The following ITPK1 variants were observed in gnomAD, a reference collection of about 807,000 sequenced individuals.
ITPK1 encodes inositol 1,3,4-trisphosphate 5/6-kinase.
ITPK1 carries 21 observed loss-of-function variants against 45.3 expected under a neutral mutation model. That is an observed-to-expected ratio of 0.46 (90% CI 0.33 to 0.67). The LOEUF is 0.67. Ranked by LOEUF, ITPK1 falls within the 30% of genes least tolerant of loss-of-function variation. ITPK1 has a pLI of 0.02. For missense variants in ITPK1, 474 were observed against 573.5 expected (o/e 0.83, Z 1.77); for synonymous variants, 258 against 253.6 (o/e 1.02, Z -0.16).
At chr14:93,096,051 A>T (rs1263417090) in intron 2 of ITPK1, among the ~76,000 whole-genome samples, 2 of 152,150 alleles carry the variant, frequency 1.3e-5, no homozygotes, top group Admixed American at 6.6e-5. Context: ...GAAAGCGCTG[A>T]GAAACCTGGC....
Position 92,938,776 on chromosome 14 carries a change from C to G in ITPK1, c.*2785G>C. 1.7e-6 allele frequency: 1 copy of G among 589,294 alleles called. No homozygotes were observed. Among genetic ancestry groups the G allele is most frequent in the Non-Finnish European group, 3.0e-6 (1 of 331,426 alleles). The allele number at this position is 589,294 out of a possible 1,614,324, so 36.5% of individuals were successfully genotyped here. A position where few individuals can be genotyped will look rare whatever the true frequency, so the allele number is the denominator to read the frequency against. On this transcript the variant is annotated 3_prime_UTR_variant, in exon 11 of 11. Transcript: ENST00000267615. The stretch of plus-strand genomic sequence containing the variant: ...CCCCTTGGCTCTTGGGGTGGGGACA[C>G]CCAGCAGCTGGCACTCAGTTGGGGG...
intron 8 of ITPK1, among the ~76,000 whole-genome samples, chr14:92,955,352 A>G (rs551289615): frequency 5.9e-5 from 9 of 152,316 alleles, no homozygotes; most frequent in Admixed American, 3.9e-4. Flanking sequence ...ATGCATGCCT[A>G]AGAGAAACAA....
At chr14:92,979,383 T>C (rs368571895) in intron 5 of ITPK1, among the ~76,000 whole-genome samples, 5 of 152,172 alleles carry the variant, frequency 3.3e-5, no homozygotes, top group Admixed American at 2.0e-4. Context: ...AGTTAAGACT[T>C]TGGGGGGCTG....
In ITPK1 at chr14:93,026,282, C is replaced by T. The variant is rs190520020; in HGVS notation, c.121-9481G>A. 5.3e-5 allele frequency among the ~76,000 whole-genome samples: 8 copies of T among 152,266 alleles called. 1 individual carries two copies. Among genetic ancestry groups the T allele is most frequent in the East Asian group, 3.9e-4 (2 of 5,190 alleles). ...CTCTCTCAAATATATTAAGATCCTA[C>T]AAACTGATTTTTTTAAAAAGAAAAC... On this transcript the variant is annotated intron_variant, in intron 3 of 10. Transcript: ENST00000267615.
Position 93,032,350 on chromosome 14 carries a change from A to AAATAATAAT in ITPK1, c.121-15558_121-15550dup, listed in dbSNP as rs10675965. Among the ~76,000 whole-genome samples, 1,784 of 150,208 alleles carry AAATAATAAT rather than the reference A, an allele frequency of 0.012. 21 individuals are homozygous for AAATAATAAT. The highest frequency in any genetic ancestry group is 0.024 in the Admixed American group (366 of 15,082). On this transcript the variant is annotated intron_variant, in intron 3 of 10. Transcript: ENST00000267615. This position sits in a 1 kb window ranked among gnomAD's most constrained non-coding sequence, Gnocchi z 4.0. ...GGGCGACAGAGCGAGACTCCATCTC[A>AAATAATAAT]AATAATAATAATAATAATAATAAAG...
intron 3 of ITPK1, among the ~76,000 whole-genome samples, chr14:93,028,324 T>G (rs1377188483): frequency 6.6e-6 from 1 of 152,212 alleles, no homozygotes; most frequent in Non-Finnish European, 1.5e-5. Flanking sequence ...TCCACTGGAC[T>G]GTGACATGAG....
chr14:92,991,642 C>T (rs989195111), intron 5 of ITPK1, among the ~76,000 whole-genome samples: 10 of 152,220 alleles, frequency 6.6e-5, no homozygotes, highest in South Asian at 4.2e-4. Context: ...CCAAGCCAGG[C>T]GAGCGGGCAA....
chr14:93,100,537 G>A (rs74495329), intron 2 of ITPK1, among the ~76,000 whole-genome samples: 31 of 148,046 alleles, frequency 2.1e-4, no homozygotes, highest in African/African-American at 7.7e-4. Context: ...GAGAGAGGAG[G>A]GAGAGAGAGA....
chr14:93,005,699 C>T (rs749040053), intron 4 of ITPK1, among the ~76,000 whole-genome samples: 15 of 152,314 alleles, frequency 9.8e-5, no homozygotes, highest in East Asian at 1.9e-4. Flanking sequence ...ATGCAGAATG[C>T]GCAAACTCAG....
intron 5 of ITPK1, 53 bp downstream of exon 5, chr14:92,993,827 G>T: frequency 8.3e-7 from 1 of 1,200,876 alleles, no homozygotes; most frequent in Non-Finnish European, 1.2e-6. Context: ...TGGCCACTTT[G>T]TGACCACAAA....
chr14:92,986,882 C>T (rs1170142654), intron 5 of ITPK1, among the ~76,000 whole-genome samples: 1 of 152,164 alleles, frequency 6.6e-6, no homozygotes, highest in Non-Finnish European at 1.5e-5. Context: ...CAGACCAGTG[C>T]CCTGGGCAGG....
rs115008604 is a variant in ITPK1, at chr14:92,946,216, T to C, written c.901+115A>G. On this transcript the variant is annotated intron_variant, in intron 10 of 10. Coordinates refer to ENST00000267615, the MANE Select transcript of ITPK1 (RefSeq NM_014216.6). ...TCTCGGGGCTGCACCTCCCCGGACC[T>C]CGTGGTGAGGGAGAAAGCTGGCTTT... The C allele has an allele frequency of 8.9e-3, 11,027 of 1,243,442 alleles. 661 individuals are homozygous for C. In the African/African-American group the frequency reaches 0.13, roughly 15 times the overall value. 77.0% of individuals were successfully genotyped at this position (1,243,442 alleles called of 1,614,324 possible).
At chr14:93,062,576 C>A (rs1435518462) in intron 3 of ITPK1, among the ~76,000 whole-genome samples, 1 of 152,016 alleles carries the variant, frequency 6.6e-6, no homozygotes, top group Non-Finnish European at 1.5e-5. Context: ...ACATTTTGTT[C>A]CCACAAGCTA....
At chr14:92,987,508 C>T (rs748254489) in intron 5 of ITPK1, among the ~76,000 whole-genome samples, 3 of 152,142 alleles carry the variant, frequency 2.0e-5, no homozygotes, top group African/African-American at 4.8e-5. Context: ...CCCCTGGCTC[C>T]AGAGGACAGG....
At chr14:92,987,121 C>T (rs1305524772) in intron 5 of ITPK1, among the ~76,000 whole-genome samples, 4 of 152,228 alleles carry the variant, frequency 2.6e-5, no homozygotes, top group African/African-American at 9.6e-5. Context: ...GGCCACTGTC[C>T]TCCAGGCACA....
At chr14:93,047,760 A>G (rs1319886957) in intron 3 of ITPK1, among the ~76,000 whole-genome samples, 2 of 152,206 alleles carry the variant, frequency 1.3e-5, no homozygotes, top group Admixed American at 1.3e-4. Context: ...TAGCAGGCAA[A>G]TATGATATGT....
At chr14:92,950,034 G>A (rs890713985) in intron 9 of ITPK1, among the ~76,000 whole-genome samples, 1 of 152,252 alleles carries the variant, frequency 6.6e-6, no homozygotes, top group Non-Finnish European at 1.5e-5. Context: ...TTCTGGGGCA[G>A]GAAGAAGAAA....
rs567554103 is a variant in ITPK1, at chr14:93,034,068, C to T, written c.121-17267G>A. Among the ~76,000 whole-genome samples, 24 of 152,184 alleles carry T rather than the reference C, an allele frequency of 1.6e-4. No individual in the cohort carries two copies. The South Asian group carries it at 5.0e-3, about 32-fold the overall frequency. ...AAAGAGTGGGCTCTGATGCTGGGAG[C>T]CCCCAGCTCCCTATCCAAAGTGTAG... On this transcript the variant is annotated intron_variant, in intron 3 of 10. Transcript: ENST00000267615. The surrounding 1 kb of genome is among the most constrained non-coding windows in gnomAD (Gnocchi z 4.1).
chr14:92,953,704 G>C (rs775393028), intron 8 of ITPK1, among the ~76,000 whole-genome samples: 1 of 152,224 alleles, frequency 6.6e-6, no homozygotes, highest in Non-Finnish European at 1.5e-5. Context: ...TGGGAAGTCT[G>C]CAGGAGCCGC....
Sources: allele counts gnomAD v4.1 joint callset (sites outside exome capture counted in the v4.1 genomes callset), GRCh38; gene constraint gnomAD v4.1.1; non-coding constraint Gnocchi (gnomAD v3.1); transcripts MANE v1.5; gene names NCBI Gene and HGNC (gene_info 2026-07-23, HGNC 2026-07-21).